The following ZNF709 variants were observed in gnomAD, a reference collection of about 807,000 sequenced individuals.
The protein encoded by ZNF709 is zinc finger protein 709.
ZNF709 carries 15 observed loss-of-function variants against 10.6 expected under a neutral mutation model. The observed-to-expected ratio is 1.41, with a 90% CI of 0.95 to 2.18. ZNF709 has a LOEUF of 2.18. ZNF709 is among the 30% of genes most tolerant of loss of function. ZNF709 has a pLI of 0.00. For missense variants in ZNF709, 589 were observed against 774.0 expected, an observed-to-expected ratio of 0.76 and a Z score of 2.84; for synonymous variants, 194 against 238.8, an observed-to-expected ratio of 0.81 and a Z score of 1.73.
chr19:12,465,127 T>C lies in ZNF709; in HGVS notation c.795A>G (p.Gln265=), dbSNP rs1970557146. ...GAGTCCTTTCATGTATTTGAAAAGT[T>C]TGGTAATATCTGAAAGCTTTTCCAC... is the stretch of plus-strand genomic sequence containing the variant. ...KQCGKAFRYY[Q]TFQIHERTHT... is the part of the protein sequence containing the mutation. Residue 265 remains glutamine, a synonymous_variant, in exon 4 of 4, where the codon CAA becomes CAG. Transcript: ENST00000397732. 1.2e-6 allele frequency: 2 copies of C among 1,611,792 alleles called. No individual in the cohort carries two copies. Among genetic ancestry groups the C allele is most frequent in the Non-Finnish European group, 1.7e-6 (2 of 1,179,284 alleles).
In ZNF709 at chr19:12,468,043, C is replaced by T. The variant is rs1319624664; in HGVS notation, c.4-1193G>A. Among the ~76,000 whole-genome samples, 4 of 151,336 alleles carry T rather than the reference C, an allele frequency of 2.6e-5. No homozygotes were observed. In the East Asian group the frequency reaches 6.0e-4, roughly 23 times the overall value. ...GGGAGGTGGGGGGTCAGCCCCCGCC[C>T]GGCCAGCCGTCCCGTCCGGGAGGGA... On this transcript the variant is annotated intron_variant, in intron 1 of 3. Coordinates refer to ENST00000397732, the MANE Select transcript of ZNF709 (RefSeq NM_152601.4).
rs577081184 is a variant in ZNF709 at position 12,475,060 on chromosome 19, C to T, written c.4-8210G>A. On this transcript the variant is annotated intron_variant, in intron 1 of 3. Transcript: ENST00000397732. Reference sequence around the variant, plus strand: ...ATCACCTGAGGTCGGGAGTTGGACACCAGCCTGTCCAAAGTGACAAAACCC... The same window carrying T: ...ATCACCTGAGGTCGGGAGTTGGACATCAGCCTGTCCAAAGTGACAAAACCC... Among the ~76,000 whole-genome samples the T allele has an allele frequency of 1.5e-4, 23 of 151,910 alleles. 1 individual carries two copies. The South Asian group carries it at 3.1e-3, about 21-fold the overall frequency.
chr19:12,478,018 G>A (rs983441861), intron 1 of ZNF709, among the ~76,000 whole-genome samples: 2 of 152,130 alleles, frequency 1.3e-5, no homozygotes, highest in African/African-American at 2.4e-5. Flanking sequence ...TGCTGCAGAG[G>A]AAACATGAGT....
rs192754953 is a variant in ZNF709 at position 12,465,047 on chromosome 19, G to A, written c.875C>T (p.Pro292Leu). Residue 292 changes from proline to leucine, a missense_variant, in exon 4 of 4, where the codon CCC (proline) becomes CTC (leucine). Around this residue, in one of 2 missense-constraint regions of ZNF709, gnomAD observed 418 missense variants for 496.3 expected, o/e 0.84. Coordinates refer to ENST00000397732, the MANE Select transcript of ZNF709 (RefSeq NM_152601.4). Reference sequence around the variant, plus strand: ...CCTTTCATGACTTCGAAAGGATGTGGGACAACTAAGAGCTTTACCACATTG... The same window carrying A: ...CCTTTCATGACTTCGAAAGGATGTGAGACAACTAAGAGCTTTACCACATTG... Reference protein sequence around the residue: ...CKQCGKALSCPTSFRSHERIH... With the variant: ...CKQCGKALSCLTSFRSHERIH... 1.1e-3 allele frequency: 1,841 copies of A among 1,612,740 alleles called. 2 individuals carry two copies. The highest frequency in any genetic ancestry group is 1.4e-3 in the Non-Finnish European group (1,632 of 1,179,572).
At chr19:12,468,700 A>T (rs1205878481) in intron 1 of ZNF709, among the ~76,000 whole-genome samples, 1 of 152,102 alleles carries the variant, frequency 6.6e-6, no homozygotes, top group Non-Finnish European at 1.5e-5. Flanking sequence ...TAAAAAAAAA[A>T]AAAAAAAGAA....
chr19:12,480,033 T>C (rs1467727524), intron 1 of ZNF709, among the ~76,000 whole-genome samples: 3 of 152,078 alleles, frequency 2.0e-5, no homozygotes, highest in African/African-American at 7.2e-5. Context: ...TAGGTGGGCA[T>C]GGTGGCTCAT....
At position 12,484,723 on chromosome 19, in the gene ZNF709, C is replaced by A; in HGVS notation, c.-66G>T. 2 of 1,610,560 alleles carry A rather than the reference C, an allele frequency of 1.2e-6. No individual in the cohort carries two copies. The highest frequency in any genetic ancestry group is 2.2e-5 in the South Asian group (2 of 90,896). On this transcript the variant is annotated 5_prime_UTR_variant, in exon 1 of 4. Coordinates refer to ENST00000397732, the MANE Select transcript of ZNF709 (RefSeq NM_152601.4). The stretch of plus-strand genomic sequence containing the variant: ...CCCGCGGCCAGCACAGGTCCTACCT[C>A]CACCTGAGGCCCTTCCTCCACCTGA...
chr19:12,476,671 A>C (rs1970680520), intron 1 of ZNF709, among the ~76,000 whole-genome samples: 1 of 152,188 alleles, frequency 6.6e-6, no homozygotes, highest in Non-Finnish European at 1.5e-5. Flanking sequence ...TAAACAAGGA[A>C]TATGTTGCCT....
At chr19:12,482,764 G>A (rs1970739545) in intron 1 of ZNF709, among the ~76,000 whole-genome samples, 1 of 152,132 alleles carries the variant, frequency 6.6e-6, no homozygotes, top group African/African-American at 2.4e-5. Flanking sequence ...AGTACAAAGG[G>A]CTCCTTCCAC....
At chr19:12,466,701 T>G in intron 2 of ZNF709, 23 bp downstream of exon 2, 1 of 1,614,022 alleles carries the variant, frequency 6.2e-7, no homozygotes, top group South Asian at 1.1e-5. Context: ...ATTGACTAAG[T>G]GAGGGAATAA....
intron 3 of ZNF709, among the ~76,000 whole-genome samples, chr19:12,465,968 T>A (rs1305080560): frequency 1.4e-5 from 2 of 143,852 alleles, no homozygotes; most frequent in East Asian, 4.0e-4. Flanking sequence ...TGAGACAGAG[T>A]CTTACTCTGT....
At position 12,463,784 on chromosome 19, in the gene ZNF709, G is replaced by A; in HGVS notation, c.*212C>T. ...TCTACTAAAAATACAAAAATTAAGT[G>A]GGCATGGTCGTTCACACCTGTTGTC... On this transcript the variant is annotated 3_prime_UTR_variant, in exon 4 of 4. Coordinates refer to ENST00000397732, the MANE Select transcript of ZNF709 (RefSeq NM_152601.4). 1 of 386,482 alleles carries A rather than the reference G, an allele frequency of 2.6e-6. No individual in the cohort carries two copies. 23.9% of individuals were successfully genotyped at this position (386,482 alleles called of 1,614,324 possible). A position where few individuals can be genotyped will look rare whatever the true frequency, so the allele number is the denominator to read the frequency against.
chr19:12,465,862 G>T, intron 3 of ZNF709, 129 bp from the exon 4 acceptor site: 1 of 673,832 alleles, frequency 1.5e-6, no homozygotes, highest in Non-Finnish European at 2.2e-6. Context: ...CAGGGAAAGT[G>T]TATGTCATGA....
chr19:12,471,152 C>G (rs1289621872), intron 1 of ZNF709, among the ~76,000 whole-genome samples: 1 of 152,062 alleles, frequency 6.6e-6, no homozygotes, highest in African/African-American at 2.4e-5. Flanking sequence ...GGGAATTGAG[C>G]CCATTCCATG....
At chr19:12,469,539 AGGGTG>A (rs1970616100) in intron 1 of ZNF709, among the ~76,000 whole-genome samples, 2 of 151,790 alleles carry the variant, frequency 1.3e-5, no homozygotes, top group Non-Finnish European at 2.9e-5. Context: ...GAGGCTGAGA[AGGGTG>A]GATCACGAGG....
At chr19:12,484,595 C>A in intron 1 of ZNF709, 60 bp downstream of exon 1, 1 of 1,601,272 alleles carries the variant, frequency 6.2e-7, no homozygotes, top group Non-Finnish European at 8.5e-7. Context: ...ACAGCCAGAT[C>A]CGGCCGGTTT....
At position 12,464,485 on chromosome 19, in the gene ZNF709, T is replaced by C. The variant is rs1255043924; in HGVS notation, c.1437A>G (p.Lys479=). 5 of 1,612,974 alleles carry C rather than the reference T, an allele frequency of 3.1e-6. No homozygotes were observed. The African/African-American group carries it at 6.7e-5, about 22-fold the overall frequency. Residue 479 remains lysine, a synonymous_variant, in exon 4 of 4, where the codon AAA becomes AAG. Coordinates refer to ENST00000397732, the MANE Select transcript of ZNF709 (RefSeq NM_152601.4). The part of the protein sequence containing the change: ...IHTGEKPYEC[K]QCGKAFSFSS... ...AAAAACTAAAGGCTTTACCACACTG[T>C]TTACATTCATAGGGTTTCTCTCCAG...
intron 1 of ZNF709, among the ~76,000 whole-genome samples, chr19:12,478,189 G>C (rs1970692185): frequency 6.6e-6 from 1 of 152,142 alleles, no homozygotes; most frequent in African/African-American, 2.4e-5. Context: ...AAAAATGACT[G>C]CTCTGGCAGG....
chr19:12,470,307 A>G (rs970604199), intron 1 of ZNF709, among the ~76,000 whole-genome samples: 2 of 152,198 alleles, frequency 1.3e-5, no homozygotes, highest in African/African-American at 2.4e-5. Context: ...GAATTTACCT[A>G]TTTGGTAAAG....
Sources: allele counts gnomAD v4.1 joint callset (sites outside exome capture counted in the v4.1 genomes callset), GRCh38; gene constraint gnomAD v4.1.1; regional missense constraint gnomAD v4.1.1; transcripts MANE v1.5; gene names NCBI Gene and HGNC (gene_info 2026-07-23, HGNC 2026-07-21).